The following PPL variants were observed in gnomAD, a reference collection of about 807,000 sequenced individuals.
PPL encodes periplakin.
PPL carries 198 observed loss-of-function variants against 194.4 expected under a neutral mutation model. That is an observed-to-expected ratio of 1.02 (90% CI 0.91 to 1.15). The LOEUF (loss-of-function observed/expected upper bound fraction) is 1.15, where lower values mean the gene tolerates loss of function less well. PPL is among the 50% of genes most tolerant of loss of function. PPL has a pLI of 0.00. For missense variants in PPL, 2,885 were observed against 2,294.8 expected (o/e 1.26, Z -5.25); for synonymous variants, 1,220 against 972.4 (o/e 1.25, Z -4.74).
chr16:4,897,652 G>C, intron 9 of PPL, 23 bp downstream of exon 9: 1 of 1,593,670 alleles, frequency 6.3e-7, no homozygotes. Flanking sequence ...GGTGCTGGGG[G>C]GACTCCCAGG....
intron 11 of PPL, 32 bp from the exon 12 acceptor site, chr16:4,894,650 C>T (rs1406262981): frequency 5.6e-6 from 9 of 1,604,102 alleles, no homozygotes; most frequent in Non-Finnish European, 7.6e-6. Flanking sequence ...GTCAGGATCC[C>T]GGCAGGGCCT....
At chr16:4,889,755 G>C (rs920890520) in intron 18 of PPL, among the ~76,000 whole-genome samples, 1 of 152,222 alleles carries the variant, frequency 6.6e-6, no homozygotes, top group Non-Finnish European at 1.5e-5. Context: ...CTGAGGTGGG[G>C]ATGTGGCTGA....
rs777220807 is a variant in PPL, at chr16:4,900,813, C to CTCA, written c.606+16_606+17insTGA. 1 of 1,614,122 alleles carries CTCA rather than the reference C, an allele frequency of 6.2e-7. No homozygotes were observed. The highest frequency in any genetic ancestry group is 1.1e-5 in the South Asian group (1 of 91,080). On this transcript the variant is annotated intron_variant, in intron 6 of 21. Coordinates refer to ENST00000345988, the MANE Select transcript of PPL (RefSeq NM_002705.5). ...TCTCCTCTCCCCATGAGGCCTTTCC[C>CTCA]CCAGGGAGCTCCTCACCAGCAGTTT... is the stretch of plus-strand genomic sequence containing the variant.
chr16:4,894,742 G>C, intron 11 of PPL, 124 bp from the exon 12 acceptor site: 1 of 1,093,114 alleles, frequency 9.1e-7, no homozygotes, highest in South Asian at 1.6e-5. Flanking sequence ...GACCCTCCCC[G>C]TAGAGTGGGG....
In PPL at chr16:4,885,153, C is replaced by T. The variant is rs746117462; in HGVS notation, c.3502G>A (p.Val1168Met). Residue 1168 changes from valine (V) to methionine (M), a missense_variant, in exon 22 of 22, where the codon GTG becomes ATG. Val to Met is a conservative substitution (Grantham distance 21). Coordinates refer to ENST00000345988, the MANE Select transcript of PPL (RefSeq NM_002705.5). The surrounding 1 kb of genome is among the most constrained non-coding windows in gnomAD (Gnocchi z 6.3). Reference protein sequence around the residue: ...IWALEEENAKVVVQEKVREIV... With the variant: ...IWALEEENAKMVVQEKVREIV... ...TCCCGCACCTTCTCCTGCACCACCA[C>T]TTTGGCGTTCTCCTCCTCCAAGGCC... is the stretch of plus-strand genomic sequence containing the variant. 3.1e-6 allele frequency: 5 copies of T among 1,614,050 alleles called. No homozygotes were observed. Among genetic ancestry groups the T allele is most frequent in the East Asian group, 2.2e-5 (1 of 44,894 alleles).
At chr16:4,899,475 C>CTGGCCCGAGGACAAGCCCAGCTATGGG in intron 6 of PPL, 91 bp from the exon 7 acceptor site, 1 of 709,082 alleles carries the variant, frequency 1.4e-6, no homozygotes, top group Admixed American at 2.9e-5. Context: ...CCAGCTATGG[C>CTGGCCCGAGGACAAGCCCAGCTATGGG]TGGCCTGAGG....
rs150080098 is a variant in PPL at position 4,885,316 on chromosome 16, G to T, written c.3339C>A (p.Thr1113=). Residue 1113 remains threonine (T), a synonymous_variant, in exon 22 of 22, where the codon ACC becomes ACA. Coordinates refer to ENST00000345988, the MANE Select transcript of PPL (RefSeq NM_002705.5). This position sits in a 1 kb window ranked among gnomAD's most constrained non-coding sequence, Gnocchi z 6.3. Reference sequence around the variant, plus strand: ...TCTCCACCTTGAGCACCTCCTTGACGGTGATCTTGCCCTCGGCCATGGCCC... The same window carrying T: ...TCTCCACCTTGAGCACCTCCTTGACTGTGATCTTGCCCTCGGCCATGGCCC... The part of the protein sequence containing the change: ...KERAMAEGKI[T]VKEVLKVEKD... The T allele has an allele frequency of 6.2e-7, 1 of 1,612,166 alleles. No homozygotes were observed. The highest frequency in any genetic ancestry group is 1.1e-5 in the South Asian group (1 of 91,030).
chr16:4,913,385 G>C (rs1012457372), intron 1 of PPL, among the ~76,000 whole-genome samples: 5 of 152,194 alleles, frequency 3.3e-5, no homozygotes, highest in East Asian at 1.9e-4. Flanking sequence ...CGATGGACTA[G>C]AGTAACAGTC....
At chr16:4,907,224 T>C (rs1213384733) in intron 2 of PPL, among the ~76,000 whole-genome samples, 1 of 151,686 alleles carries the variant, frequency 6.6e-6, no homozygotes, top group Admixed American at 6.6e-5. Flanking sequence ...ATTGCGCCAC[T>C]GCACTCCAGC....
chr16:4,886,376 C>CCATGTGTTTATCTCT (rs371549949), intron 21 of PPL, among the ~76,000 whole-genome samples: 15 of 152,328 alleles, frequency 9.8e-5, no homozygotes, highest in African/African-American at 3.6e-4. Context: ...GTAGTATGTA[C>CCATGTGTTTATCTCT]CATGTGTTTA....
At chr16:4,887,999 G>A (rs1383496693) in intron 20 of PPL, 103 bp downstream of exon 20, 1 of 799,704 alleles carries the variant, frequency 1.3e-6, no homozygotes, top group Non-Finnish European at 2.1e-6. Context: ...CTTCCCTGTT[G>A]TGTGTGCATC....
rs2088294802 is a variant in PPL, at chr16:4,890,281, T to C, written c.2216A>G (p.His739Arg). 1 of 1,614,208 alleles carries C rather than the reference T, an allele frequency of 6.2e-7. No individual in the cohort carries two copies. Among genetic ancestry groups the C allele is most frequent in the South Asian group, 1.1e-5 (1 of 91,084 alleles). Residue 739 changes from histidine (H) to arginine (R), a missense_variant, in exon 18 of 22, where the codon CAT becomes CGT. Coordinates refer to ENST00000345988, the MANE Select transcript of PPL (RefSeq NM_002705.5). Reference protein sequence around the residue: ...KAAYEHFHRGHDHVLQFLVSI... With the variant: ...KAAYEHFHRGRDHVLQFLVSI... The stretch of plus-strand genomic sequence containing the variant: ...GACTAGGAACTGCAGCACGTGGTCA[T>C]GGCCGCGGTGGAAGTGCTCGTAGGC...
At chr16:4,904,061 G>C in intron 2 of PPL, 21 bp from the exon 3 acceptor site, 1 of 1,607,296 alleles carries the variant, frequency 6.2e-7, no homozygotes. Flanking sequence ...CACAAGAGAG[G>C]GGACAATGAA....
chr16:4,885,357 T>C lies in PPL; in HGVS notation c.3298A>G (p.Arg1100Gly), dbSNP rs1217713313. ...ELSFLQDKLKRLEKERAMAEG... is the reference protein window; with the variant it reads ...ELSFLQDKLKGLEKERAMAEG... The stretch of plus-strand genomic sequence containing the variant: ...GCCATGGCCCGCTCCTTCTCTAGCC[T>C]CTTGAGCTTGTCCTGGAGGAAGCTC... The change falls in exon 22 of 22, where the codon AGG becomes GGG. Residue 1100 changes from arginine (R) to glycine (G), a missense_variant. By Grantham distance (125) the Arg-to-Gly change is moderately radical. Transcript: ENST00000345988. This position sits in a 1 kb window ranked among gnomAD's most constrained non-coding sequence, Gnocchi z 6.3. 2 of 1,612,760 alleles carry C rather than the reference T, an allele frequency of 1.2e-6. No individual in the cohort carries two copies. The highest frequency in any genetic ancestry group is 1.7e-6 in the Non-Finnish European group (2 of 1,179,968).
rs762731192 is a variant in PPL, at chr16:4,885,091, C to T, written c.3564G>A (p.Val1188=). The change falls in exon 22 of 22, where the codon GTG becomes GTA. Residue 1188 remains valine (V), a synonymous_variant. Transcript: ENST00000345988. The surrounding 1 kb of genome is among the most constrained non-coding windows in gnomAD (Gnocchi z 6.3). The part of the protein sequence containing the change: ...VRPDPKAESE[V]ANLRLELVEQ... The stretch of plus-strand genomic sequence containing the variant: ...CCACAAGCTCCAGGCGGAGGTTCGC[C>T]ACTTCACTTTCCGCCTTGGGGTCTG... The T allele has an allele frequency of 6.2e-7, 1 of 1,613,834 alleles. No individual in the cohort carries two copies. The highest frequency in any genetic ancestry group is 8.5e-7 in the Non-Finnish European group (1 of 1,180,030).
chr16:4,923,537 C>G (rs2089095175), intron 1 of PPL, among the ~76,000 whole-genome samples: 2 of 152,130 alleles, frequency 1.3e-5, no homozygotes, highest in Admixed American at 6.6e-5. Flanking sequence ...CAAGAGCCAC[C>G]CTTGATGTCT....
intron 1 of PPL, among the ~76,000 whole-genome samples, chr16:4,925,272 C>T (rs771260066): frequency 2.6e-5 from 4 of 152,174 alleles, no homozygotes; most frequent in African/African-American, 4.8e-5. Context: ...CCTCCGGTGC[C>T]GAGTAGCCCT....
At chr16:4,931,558 C>T (rs1411629827) in intron 1 of PPL, among the ~76,000 whole-genome samples, 1 of 152,150 alleles carries the variant, frequency 6.6e-6, no homozygotes, top group Non-Finnish European at 1.5e-5. Context: ...CCATTCGCTC[C>T]CAAGACAGGC....
intron 21 of PPL, among the ~76,000 whole-genome samples, chr16:4,886,373 G>C (rs1395287945): frequency 6.6e-6 from 1 of 152,330 alleles, no homozygotes; most frequent in South Asian, 2.1e-4. Context: ...TCTGTAGTAT[G>C]TACCATGTGT....
Sources: gnomAD v4.1 joint callset for allele counts (sites outside exome capture counted in the v4.1 genomes callset) on GRCh38, gnomAD v4.1.1 for gene constraint, Gnocchi (gnomAD v3.1) non-coding constraint, MANE v1.5 for transcripts, NCBI Gene and HGNC (gene_info 2026-07-23, HGNC 2026-07-21) for gene names.